USP32: variants seen among roughly 807,000 people sequenced by gnomAD.
The protein encoded by USP32 is ubiquitin specific peptidase 32, also known as ubiquitin carboxyl-terminal hydrolase 32.
USP32 carries 59 observed loss-of-function variants against 204.8 expected under a neutral mutation model. That is an observed-to-expected ratio of 0.29 (90% CI 0.23 to 0.36). The LOEUF (loss-of-function observed/expected upper bound fraction) is 0.36, where lower values mean the gene tolerates loss of function less well. USP32 is among the 10% of genes least tolerant of loss of function. The pLI, the probability that USP32 is intolerant of heterozygous loss-of-function variation, is 1.00. For missense variants in USP32, 1,160 were observed against 1,946.4 expected (o/e 0.60, Z 7.60); for synonymous variants, 517 against 678.4 (o/e 0.76, Z 3.70).
chr17:60,226,827 G>A (rs1023914191), intron 12 of USP32, among the ~76,000 whole-genome samples: 10 of 150,944 alleles, frequency 6.6e-5, no homozygotes, highest in Non-Finnish European at 1.3e-4. Flanking sequence ...GGGAGACCGA[G>A]GCAGATGGAT....
chr17:60,341,417 C>G (rs1293646518), intron 2 of USP32, among the ~76,000 whole-genome samples: 1 of 151,978 alleles, frequency 6.6e-6, no homozygotes, highest in Non-Finnish European at 1.5e-5. Flanking sequence ...GATTTTATTT[C>G]TCCTTCACTT....
rs574752509 is a variant in USP32 at position 60,300,884 on chromosome 17, A to G, written c.292+715T>C. 5.6e-4 allele frequency among the ~76,000 whole-genome samples: 85 copies of G among 152,288 alleles called. 1 individual carries two copies. In the South Asian group the frequency reaches 0.017, roughly 30 times the overall value. On this transcript the variant is annotated intron_variant, in intron 3 of 33. Transcript: ENST00000300896. ...TGATACCTCCAGCAACCACTAATCT[A>G]TCATTTTCTGCCACTGTAGATTTGC...
chr17:60,249,518 C>T (rs1335949915), intron 11 of USP32: 2 of 469,142 alleles, frequency 4.3e-6, no homozygotes, highest in East Asian at 3.6e-5. Flanking sequence ...TTTTCCCTCA[C>T]TGTTTACCAC....
At chr17:60,262,756 G>A (rs1009669586) in intron 9 of USP32, among the ~76,000 whole-genome samples, 2 of 152,074 alleles carry the variant, frequency 1.3e-5, no homozygotes, top group Non-Finnish European at 2.9e-5. Context: ...TTACTGTACA[G>A]TCCTATACAG....
chr17:60,259,153 C>T (rs1419593730), intron 9 of USP32, among the ~76,000 whole-genome samples: 1 of 152,124 alleles, frequency 6.6e-6, no homozygotes, highest in Non-Finnish European at 1.5e-5. Context: ...TCCCTTTACA[C>T]ATTTTATGGT....
At chr17:60,210,314 T>A (rs1423215323) in intron 21 of USP32, among the ~76,000 whole-genome samples, 4 of 152,168 alleles carry the variant, frequency 2.6e-5, no homozygotes, top group African/African-American at 9.6e-5. Context: ...CCTTCTACTT[T>A]TTTTTTTTCT....
In USP32 at chr17:60,400,114, G is replaced by A. The variant is rs376086903; in HGVS notation, c.106+22132C>T. On this transcript the variant is annotated intron_variant, in intron 1 of 3. Coordinates refer to the USP32 transcript ENST00000588898. The stretch of plus-strand genomic sequence containing the variant: ...TGAGTAGCTGGGATTATAGGCATGC[G>A]CCACCATGCCTGGCTAATTTTTGTA... Among the ~76,000 whole-genome samples, 16 of 152,112 alleles carry A rather than the reference G, an allele frequency of 1.1e-4. No homozygotes were observed. The East Asian group carries it at 3.1e-3, about 29-fold the overall frequency.
chr17:60,382,702 T>C (rs1034356076), intron 1 of USP32, among the ~76,000 whole-genome samples: 1 of 152,192 alleles, frequency 6.6e-6, no homozygotes, highest in Non-Finnish European at 1.5e-5. Context: ...TCTAACTTCA[T>C]ATATGGCAGT....
chr17:60,392,513 G>C (rs2089860573), upstream of USP32: 1 of 311,142 alleles, frequency 3.2e-6, no homozygotes, highest in Non-Finnish European at 6.7e-6. Flanking sequence ...ATGTTCTGGC[G>C]TTCGGCGGGT....
chr17:60,255,337 G>A (rs2086272650), intron 9 of USP32, 79 bp from the exon 10 acceptor site: 2 of 1,129,894 alleles, frequency 1.8e-6, no homozygotes, highest in East Asian at 2.8e-5. Flanking sequence ...TCATACTGTT[G>A]CCTGGGCTGG....
rs764529529 is a variant in USP32, at chr17:60,391,958, G to C, written c.-19C>G. ...CACCCATGCTCCCCTCATCCCCTCGGCGGGGGGTCGGAGCCTGATCTCGCC... is the reference window on the plus strand; with the variant it reads ...CACCCATGCTCCCCTCATCCCCTCGCCGGGGGGTCGGAGCCTGATCTCGCC... On this transcript the variant is annotated 5_prime_UTR_variant, in exon 1 of 34. Transcript: ENST00000300896. 1.9e-6 allele frequency: 3 copies of C among 1,607,380 alleles called. No individual in the cohort carries two copies. The African/African-American group carries it at 4.0e-5, about 22-fold the overall frequency.
chr17:60,263,835 T>C (rs2086516192), intron 9 of USP32, among the ~76,000 whole-genome samples: 2 of 152,230 alleles, frequency 1.3e-5, no homozygotes, highest in African/African-American at 4.8e-5. Context: ...AATAGGGCCA[T>C]TAACAATTTC....
intron 1 of USP32, among the ~76,000 whole-genome samples, chr17:60,401,922 T>G (rs2089938616): frequency 6.6e-6 from 1 of 152,088 alleles, no homozygotes; most frequent in South Asian, 2.1e-4. Context: ...GAGAAAGGGT[T>G]CAAATTTCCC....
intron 14 of USP32, among the ~76,000 whole-genome samples, chr17:60,222,907 C>G (rs570307813): frequency 1.3e-4 from 20 of 152,088 alleles, no homozygotes; most frequent in African/African-American, 4.8e-4. Context: ...GTCTCAAACT[C>G]CTAACCTCAG....
intron 9 of USP32, among the ~76,000 whole-genome samples, chr17:60,261,311 C>T (rs975892139): frequency 6.6e-6 from 1 of 152,036 alleles, no homozygotes; most frequent in Non-Finnish European, 1.5e-5. Context: ...GTTTGAAAAT[C>T]TAAAATGCTA....
chr17:60,197,726 G>T (rs577043902), intron 27 of USP32, among the ~76,000 whole-genome samples: 34 of 152,258 alleles, frequency 2.2e-4, no homozygotes, highest in South Asian at 2.1e-3. Context: ...ATAGAACAGT[G>T]ATAGGAAAAA....
Position 60,409,834 on chromosome 17 carries a change from G to C in USP32, c.106+12412C>G, listed in dbSNP as rs567466353. Among the ~76,000 whole-genome samples, 6 of 152,200 alleles carry C rather than the reference G, an allele frequency of 3.9e-5. No individual in the cohort carries two copies. In the South Asian group the frequency reaches 1.2e-3, roughly 32 times the overall value. On this transcript the variant is annotated intron_variant, in intron 1 of 3. Coordinates refer to the USP32 transcript ENST00000588898. ...CACTAACACTAATGATAGCTCATAA[G>C]CTTAAAAAAATCACAAAAAAACCCT...
chr17:60,237,636 C>G (rs1442768078), intron 11 of USP32, among the ~76,000 whole-genome samples: 2 of 152,116 alleles, frequency 1.3e-5, no homozygotes, highest in Non-Finnish European at 2.9e-5. Context: ...CTGTCTGGAC[C>G]TATTGACTTG....
At chr17:60,410,617 G>A (rs1227905247) in intron 1 of USP32, among the ~76,000 whole-genome samples, 1 of 152,108 alleles carries the variant, frequency 6.6e-6, no homozygotes, top group Non-Finnish European at 1.5e-5. Context: ...GCAGTGAGCC[G>A]AGATTGCACC....
Sources: gnomAD v4.1 joint callset for allele counts (sites outside exome capture counted in the v4.1 genomes callset) on GRCh38, gnomAD v4.1.1 for gene constraint, MANE v1.5 for transcripts, NCBI Gene and HGNC (gene_info 2026-07-23, HGNC 2026-07-21) for gene names.